The following PRMT9 variants were observed in gnomAD, a reference collection of about 807,000 sequenced individuals.
PRMT9 encodes the protein protein arginine methyltransferase 9.
PRMT9 carries 59 observed loss-of-function variants against 83.2 expected under a neutral mutation model. The ratio of observed to expected loss-of-function variants is 0.71; its 90% CI spans 0.57 to 0.88. The LOEUF (loss-of-function observed/expected upper bound fraction) is 0.88, where lower values mean the gene tolerates loss of function less well. Ranked by LOEUF, PRMT9 falls within the 40% of genes least tolerant of loss-of-function variation. The pLI is 0.00. For missense variants in PRMT9, 947 were observed against 1,021.9 expected (o/e 0.93, Z 1.00); for synonymous variants, 333 against 353.2 (o/e 0.94, Z 0.64).
intron 2 of PRMT9, among the ~76,000 whole-genome samples, chr4:147,674,079 T>C (rs1300665021): frequency 6.6e-6 from 1 of 152,176 alleles, no homozygotes; most frequent in South Asian, 2.1e-4. Flanking sequence ...TACATTTATA[T>C]ATTCCGGGAG....
chr4:147,678,981 C>T (rs937442180), intron 2 of PRMT9, among the ~76,000 whole-genome samples: 1 of 152,184 alleles, frequency 6.6e-6, no homozygotes, highest in African/African-American at 2.4e-5. Context: ...TGAGCCCTTC[C>T]AGCAAATCAG....
chr4:147,674,059 T>C (rs1735912114), intron 2 of PRMT9, among the ~76,000 whole-genome samples, 185 bp from the exon 3 acceptor site: 1 of 152,196 alleles, frequency 6.6e-6, no homozygotes, highest in South Asian at 2.1e-4. Flanking sequence ...TTCTTTCTTT[T>C]CTGAACCACT....
intron 10 of PRMT9, among the ~76,000 whole-genome samples, 178 bp downstream of exon 10, chr4:147,642,609 T>G (rs1026926925): frequency 1.5e-4 from 23 of 152,218 alleles, no homozygotes; most frequent in Non-Finnish European, 2.5e-4. Flanking sequence ...AGGTTGATTT[T>G]TACCTATAAT....
Position 147,653,880 on chromosome 4 carries a change from C to T in PRMT9, c.2017G>A (p.Glu673Lys), listed in dbSNP as rs200063176. Residue 673 changes from glutamate to lysine, a missense_variant, in exon 9 of 12, where the codon GAA becomes AAA. Coordinates refer to ENST00000322396, the MANE Select transcript of PRMT9 (RefSeq NM_138364.4). ...VIEPSGLIQQ[E>K]IMEKAAISRC... ...GATATTGCAGCTTTTTCCATTATTT[C>T]CTGCTGAATGAGCCCAGATGGCTCA... The T allele has an allele frequency of 1.9e-6, 3 of 1,613,338 alleles. No individual in the cohort carries two copies. The highest frequency in any genetic ancestry group is 4.5e-5 in the East Asian group (2 of 44,868).
In PRMT9 at chr4:147,649,297, A is replaced by G. The variant is rs77585398; in HGVS notation, c.2045+4555T>C. On this transcript the variant is annotated intron_variant, in intron 9 of 11. Coordinates refer to ENST00000322396, the MANE Select transcript of PRMT9 (RefSeq NM_138364.4). ...ATGGCCTTAATTCACTAATGAGGGC[A>G]GAGCCCTCCTGACCTCATCCCCCCT... Among the ~76,000 whole-genome samples the G allele has an allele frequency of 6.9e-3, 1,048 of 152,326 alleles. 17 individuals are homozygous for G. The highest frequency in any genetic ancestry group is 0.061 in the East Asian group (318 of 5,174).
rs752197617 is a variant in PRMT9 at position 147,670,786 on chromosome 4, T to C, written c.744-43A>G. 20 of 1,248,850 alleles carry C rather than the reference T, an allele frequency of 1.6e-5. No homozygotes were observed. The South Asian group carries it at 2.4e-4, about 15-fold the overall frequency. The allele number at this position is 1,248,850 out of a possible 1,614,324, so 77.4% of individuals were successfully genotyped here. A position where few individuals can be genotyped will look rare whatever the true frequency, so the allele number is the denominator to read the frequency against. ...AAAGATATATGTAAGTAAAATATCA[T>C]GCTATTATATAAAGATGTCAAAGCT... On this transcript the variant is annotated intron_variant, in intron 4 of 11. Transcript: ENST00000322396.
intron 7 of PRMT9, among the ~76,000 whole-genome samples, chr4:147,659,689 T>TA (rs1466821115): frequency 6.6e-6 from 1 of 150,868 alleles, no homozygotes; most frequent in Admixed American, 6.6e-5. Flanking sequence ...GCAATTCTCC[T>TA]ATCTCAGCCT....
intron 6 of PRMT9, among the ~76,000 whole-genome samples, chr4:147,667,595 G>T (rs1333185686): frequency 2.0e-5 from 3 of 152,076 alleles, no homozygotes; most frequent in African/African-American, 7.2e-5. Flanking sequence ...AAAGAGTAAA[G>T]GAATATATAA....
intron 9 of PRMT9, among the ~76,000 whole-genome samples, chr4:147,643,502 G>A (rs1403229097): frequency 6.6e-6 from 1 of 152,136 alleles, no homozygotes; most frequent in Admixed American, 6.5e-5. Flanking sequence ...TATTTAAATG[G>A]ACACACGTCT....
intron 2 of PRMT9, among the ~76,000 whole-genome samples, chr4:147,678,672 T>C (rs1736258557): frequency 6.6e-6 from 1 of 152,172 alleles, no homozygotes. Context: ...CTTCTGGGAA[T>C]CTAGGATTTT....
intron 6 of PRMT9, among the ~76,000 whole-genome samples, chr4:147,666,636 A>G (rs1735355478): frequency 6.6e-6 from 1 of 152,172 alleles, no homozygotes; most frequent in South Asian, 2.1e-4. Context: ...AGGCAAGTTT[A>G]GTTTCCTTGG....
rs562039418 is a variant in PRMT9 at position 147,657,650 on chromosome 4, GA to G, written c.1330+141del. On this transcript the variant is annotated intron_variant, in intron 8 of 11. Coordinates refer to ENST00000322396, the MANE Select transcript of PRMT9 (RefSeq NM_138364.4). ...ATATTACCTATTTCAAATTTCTTTT[GA>G]AAAAAAATGAAGTTCTGAAAGATTT... 196 of 659,152 alleles carry G rather than the reference GA, an allele frequency of 3.0e-4. 8 individuals carry two copies. The South Asian group carries it at 3.1e-3, about 10-fold the overall frequency. The allele number at this position is 659,152 out of a possible 1,614,324, so 40.8% of individuals were successfully genotyped here. A position where few individuals can be genotyped will look rare whatever the true frequency, so the allele number is the denominator to read the frequency against.
intron 4 of PRMT9, among the ~76,000 whole-genome samples, chr4:147,672,424 T>C (rs1354608550): frequency 1.3e-5 from 2 of 152,268 alleles, no homozygotes; most frequent in Admixed American, 1.3e-4. Flanking sequence ...CTTCTAGCTC[T>C]AAAATTCCAT....
At chr4:147,668,388 A>G (rs890884396) in intron 6 of PRMT9, 151 bp downstream of exon 6, 7 of 653,956 alleles carry the variant, frequency 1.1e-5, no homozygotes, top group African/African-American at 7.1e-5. Context: ...GCCATATAAG[A>G]CGTGCCTGCT....
rs1560704666 is a variant in PRMT9 at position 147,673,067 on chromosome 4, A to G, written c.635T>C (p.Met212Thr). The G allele has an allele frequency of 1.2e-6, 2 of 1,614,014 alleles. No homozygotes were observed. Among genetic ancestry groups the G allele is most frequent in the Non-Finnish European group, 1.7e-6 (2 of 1,179,904 alleles). Residue 212 changes from methionine to threonine, a missense_variant, in exon 4 of 12, where the codon ATG becomes ACG. By Grantham distance (81) the Met-to-Thr change is moderately conservative. Transcript: ENST00000322396. ...CACGACATCACAGGCAAGTTCATAC[A>G]TGGTCTTGGATAACTCACAGGCATA... Reference protein sequence around the residue: ...SVYACELSKTMYELACDVVAA... With the variant: ...SVYACELSKTTYELACDVVAA...
intron 9 of PRMT9, among the ~76,000 whole-genome samples, chr4:147,646,478 C>T (rs1226069993): frequency 1.3e-5 from 2 of 152,038 alleles, no homozygotes; most frequent in Admixed American, 1.3e-4. Flanking sequence ...AGAACGATAC[C>T]ATGTGAGTCA....
At chr4:147,652,097 C>T (rs1734137951) in intron 9 of PRMT9, among the ~76,000 whole-genome samples, 1 of 152,042 alleles carries the variant, frequency 6.6e-6, no homozygotes, top group Non-Finnish European at 1.5e-5. Flanking sequence ...ACTGCAACTA[C>T]AAAAACAAAA....
At chr4:147,658,041 ACCATTTT>A in intron 7 of PRMT9, 66 bp from the exon 8 acceptor site, 1 of 1,112,684 alleles carries the variant, frequency 9.0e-7, no homozygotes, top group Non-Finnish European at 1.3e-6. Context: ...TCAGTATCTT[ACCATTTT>A]CCATCTCTGG....
intron 1 of PRMT9, among the ~76,000 whole-genome samples, chr4:147,682,513 T>C (rs1308137439): frequency 1.3e-5 from 2 of 151,626 alleles, no homozygotes; most frequent in Admixed American, 6.6e-5. Flanking sequence ...GTTTTCACCA[T>C]ATTGGCCAGG....
Sources: allele counts gnomAD v4.1 joint callset (sites outside exome capture counted in the v4.1 genomes callset), GRCh38; gene constraint gnomAD v4.1.1; transcripts MANE v1.5; gene names NCBI Gene and HGNC (gene_info 2026-07-23, HGNC 2026-07-21).